The following BOLL variants were observed in gnomAD, a reference collection of about 807,000 sequenced individuals.
BOLL encodes the protein protein boule-like.
In BOLL, 23 loss-of-function variants were observed where a neutral mutation model predicts 44.4. The ratio of observed to expected loss-of-function variants is 0.52; its 90% confidence interval spans 0.37 to 0.73. BOLL has a LOEUF of 0.73. Ranked by LOEUF, BOLL falls within the 30% of genes least tolerant of loss-of-function variation. The probability of loss-of-function intolerance (pLI) is 0.00; values close to 1 mark genes in which losing one functional copy is unlikely to be tolerated. For missense variants in BOLL, 287 were observed against 338.3 expected, an observed-to-expected ratio of 0.85 and a Z score of 1.19; for synonymous variants, 97 against 110.8, an observed-to-expected ratio of 0.88 and a Z score of 0.78.
chr2:197,779,211 A>G (rs1687818189), intron 2 of BOLL, 145 bp from the exon 3 acceptor site: 3 of 578,606 alleles, frequency 5.2e-6, no homozygotes, highest in African/African-American at 1.9e-5. Context: ...ATAAACCACT[A>G]GGTGATTAAA....
At chr2:197,779,187 C>CT in intron 2 of BOLL, 121 bp from the exon 3 acceptor site, 1 of 676,734 alleles carries the variant, frequency 1.5e-6, no homozygotes, top group Non-Finnish European at 2.5e-6. Flanking sequence ...TGCCTCTCAT[C>CT]ATCAAAACAG....
chr2:197,784,718 G>A (rs1689987829), intron 1 of BOLL: 1 of 986,890 alleles, frequency 1.0e-6, no homozygotes, highest in Non-Finnish European at 1.2e-6. Context: ...GGGAGCCATC[G>A]CGCCAGGCCT....
chr2:197,742,600 T>C (rs908894879), intron 10 of BOLL, among the ~76,000 whole-genome samples: 1 of 149,882 alleles, frequency 6.7e-6, no homozygotes, highest in African/African-American at 2.5e-5. Context: ...CACTCATAGG[T>C]GGGAATTGAA....
At chr2:197,781,908 T>C in intron 1 of BOLL, 43 bp from the exon 2 acceptor site, 1 of 1,470,048 alleles carries the variant, frequency 6.8e-7, no homozygotes. Context: ...CTGGGTATAA[T>C]GCAGTCTGCT....
chr2:197,766,850 G>A (rs903723419), intron 6 of BOLL, among the ~76,000 whole-genome samples: 1 of 151,834 alleles, frequency 6.6e-6, no homozygotes, highest in African/African-American at 2.4e-5. Context: ...GTTGTTTTTA[G>A]TCTGAAATGT....
In BOLL at chr2:197,726,990, T is replaced by C. The variant is rs1686875997; in HGVS notation, c.*1565A>G. 1 of 152,694 alleles carries C rather than the reference T, an allele frequency of 6.5e-6. No homozygotes were observed. Among genetic ancestry groups the C allele is most frequent in the South Asian group, 2.1e-4 (1 of 4,830 alleles). 9.5% of individuals were successfully genotyped at this position (152,694 alleles called of 1,614,324 possible). A position where few individuals can be genotyped will look rare whatever the true frequency, so the allele number is the denominator to read the frequency against. On this transcript the variant is annotated 3_prime_UTR_variant, in exon 11 of 11. Transcript: ENST00000392296. ...ACATAAACTTTTTGGTTCTCAAGGA[T>C]AGTGCTATTAAAAGAAAATCTTGAA...
intron 6 of BOLL, among the ~76,000 whole-genome samples, chr2:197,768,360 G>A (rs1166590078): frequency 2.0e-5 from 3 of 151,800 alleles, no homozygotes; most frequent in Non-Finnish European, 4.4e-5. Flanking sequence ...GCTTTTCACT[G>A]AACTAAACAA....
chr2:197,781,634 T>C (rs995852029), intron 2 of BOLL, 88 bp downstream of exon 2: 2 of 1,217,284 alleles, frequency 1.6e-6, no homozygotes, highest in Non-Finnish European at 2.2e-6. Context: ...TGCAAATATG[T>C]TATTTTATAG....
chr2:197,746,599 C>T (rs147127595), intron 9 of BOLL, among the ~76,000 whole-genome samples: 7 of 152,170 alleles, frequency 4.6e-5, no homozygotes, highest in African/African-American at 7.2e-5. Context: ...GTGAAAAAGT[C>T]GAACTCATAG....
At chr2:197,742,357 A>C (rs1219462749) in intron 10 of BOLL, among the ~76,000 whole-genome samples, 1 of 152,198 alleles carries the variant, frequency 6.6e-6, no homozygotes, top group East Asian at 1.9e-4. Context: ...ATAAAGACAC[A>C]TGCACACGTA....
intron 10 of BOLL, among the ~76,000 whole-genome samples, chr2:197,733,841 C>A (rs1475709099): frequency 1.3e-5 from 2 of 152,074 alleles, no homozygotes; most frequent in Non-Finnish European, 2.9e-5. Flanking sequence ...ACATGTTAGA[C>A]GTAAAACCAT....
chr2:197,760,729 CCTAGCAGATAGGTTGAAT>C (rs1347799327), intron 7 of BOLL, among the ~76,000 whole-genome samples: 1 of 152,082 alleles, frequency 6.6e-6, no homozygotes, highest in African/African-American at 2.4e-5. Flanking sequence ...CAGAGACTAC[CCTAGCAGATAGGTTGAAT>C]CTAGCAGATT....
intron 5 of BOLL, chr2:197,774,852 G>A (rs1689437081): frequency 1.3e-5 from 2 of 151,804 alleles, no homozygotes. Context: ...TGTGGCAACT[G>A]TATTAACCAA....
chr2:197,766,708 G>C (rs2106367599), intron 6 of BOLL, 105 bp from the exon 7 acceptor site: 1 of 764,116 alleles, frequency 1.3e-6, no homozygotes, highest in East Asian at 2.7e-5. Flanking sequence ...TCTGGTTTAT[G>C]ATTAGAAATA....
intron 6 of BOLL, among the ~76,000 whole-genome samples, chr2:197,770,036 T>C (rs1290478885): frequency 6.6e-6 from 1 of 152,214 alleles, no homozygotes; most frequent in African/African-American, 2.4e-5. Flanking sequence ...AGAGCCCACA[T>C]TGCCAAGACA....
At chr2:197,781,930 C>A in intron 1 of BOLL, 65 bp from the exon 2 acceptor site, 1 of 1,350,080 alleles carries the variant, frequency 7.4e-7, no homozygotes, top group African/African-American at 1.5e-5. Flanking sequence ...TTGATGCAGA[C>A]CAAAAACATA....
rs1486252690 is a variant in BOLL, at chr2:197,766,518, T to C, written c.552+14A>G. The stretch of plus-strand genomic sequence containing the variant: ...AAAGTTTCAGAGAGAATTTTAATTG[T>C]AATTTATGTTTACCTGGTAGTGATA... On this transcript the variant is annotated intron_variant, in intron 7 of 10. Coordinates refer to ENST00000392296, the MANE Select transcript of BOLL (RefSeq NM_033030.6). The C allele has an allele frequency of 6.3e-7, 1 of 1,589,054 alleles. No homozygotes were observed. The highest frequency in any genetic ancestry group is 8.6e-7 in the Non-Finnish European group (1 of 1,158,750).
At chr2:197,746,777 G>A (rs1237894572) in intron 9 of BOLL, among the ~76,000 whole-genome samples, 1 of 151,822 alleles carries the variant, frequency 6.6e-6, no homozygotes, top group African/African-American at 2.4e-5. Flanking sequence ...GTGTGCGCCT[G>A]TAGTCCCAGC....
At chr2:197,754,561 T>C (rs1011312099) in intron 9 of BOLL, among the ~76,000 whole-genome samples, 1 of 151,872 alleles carries the variant, frequency 6.6e-6, no homozygotes, top group Middle Eastern at 3.2e-3. Flanking sequence ...TATGAAAATA[T>C]TAGCCAGCTG....
Sources: gnomAD v4.1 joint callset for allele counts (sites outside exome capture counted in the v4.1 genomes callset) on GRCh38, gnomAD v4.1.1 for gene constraint, MANE v1.5 for transcripts, NCBI Gene and HGNC (gene_info 2026-07-23, HGNC 2026-07-21) for gene names.